The following TTC14 variants were observed in gnomAD, a reference collection of about 807,000 sequenced individuals.
The protein encoded by TTC14 is tetratricopeptide repeat domain 14.
TTC14 carries 63 observed loss-of-function variants against 79.9 expected under a neutral mutation model. The ratio of observed to expected loss-of-function variants is 0.79; its 90% CI spans 0.64 to 0.97. The LOEUF (loss-of-function observed/expected upper bound fraction) is 0.97, where lower values mean the gene tolerates loss of function less well. Ranked by LOEUF, TTC14 falls within the 50% of genes least tolerant of loss-of-function variation. The pLI is 0.00. For synonymous variants in TTC14, 335 were observed against 309.6 expected, an observed-to-expected ratio of 1.08 and a Z score of -0.86; for missense variants, 895 against 894.0, an observed-to-expected ratio of 1.00 and a Z score of -0.01.
intron 12 of TTC14, chr3:180,616,963 T>C (rs1426523011): frequency 1.5e-6 from 2 of 1,348,304 alleles, no homozygotes; most frequent in African/African-American, 3.0e-5. Flanking sequence ...GTATTTTCCA[T>C]GCTCTGTAGA....
At position 180,609,328 on chromosome 3, in the gene TTC14, C is replaced by G. The variant is rs574110736; in HGVS notation, c.1401-302C>G. 3 of 1,056,568 alleles carry G rather than the reference C, an allele frequency of 2.8e-6. No individual in the cohort carries two copies. In the African/African-American group the frequency reaches 5.0e-5, roughly 18 times the overall value. 65.4% of individuals were successfully genotyped at this position (1,056,568 alleles called of 1,614,324 possible). ...GAAGAAACCATGAACTAGAGGTAGC[C>G]AAATAAAAAAGTTGAGTTCTCCTTT... On this transcript the variant is annotated intron_variant, in intron 11 of 11. Transcript: ENST00000296015.
intron 10 of TTC14, chr3:180,608,426 T>C (rs927059743): frequency 8.9e-6 from 9 of 1,014,206 alleles, no homozygotes; most frequent in Non-Finnish European, 1.1e-5. Flanking sequence ...TCTTGCACTC[T>C]GGGTCATGGG....
chr3:180,608,611 T>G, intron 10 of TTC14, 90 bp from the exon 11 acceptor site: 1 of 1,359,850 alleles, frequency 7.4e-7, no homozygotes, highest in South Asian at 1.8e-5. Context: ...TAAATTGGGT[T>G]TCTCGTTGGG....
chr3:180,602,495 G>A, intron 1 of TTC14, 73 bp downstream of exon 1: 5 of 1,492,898 alleles, frequency 3.3e-6, no homozygotes, highest in Non-Finnish European at 3.6e-6. Context: ...GCAGCCCCGG[G>A]TTTGCGTCTA....
At chr3:180,603,707 A>T in intron 3 of TTC14, 1 of 246,116 alleles carries the variant, frequency 4.1e-6, no homozygotes, top group South Asian at 4.8e-5. Flanking sequence ...AGTTTCATTT[A>T]TATATTTACA....
chr3:180,603,636 A>ATTTCT (rs1716511414), intron 3 of TTC14: 1 of 315,282 alleles, frequency 3.2e-6, no homozygotes, highest in Non-Finnish European at 6.0e-6. Context: ...AGTTGAACAT[A>ATTTCT]TGTATTCTTA....
chr3:180,603,313 T>G lies in TTC14; in HGVS notation c.476T>G (p.Leu159Ter), dbSNP rs1173581122. The G allele has an allele frequency of 6.2e-7, 1 of 1,613,800 alleles. No homozygotes were observed. Among genetic ancestry groups the G allele is most frequent in the Admixed American group, 1.7e-5 (1 of 60,028 alleles). The change falls in exon 3 of 12, where the codon TTA (leucine) becomes TGA (stop). Residue 159 changes from leucine to a stop codon, truncating the protein, a stop_gained. Coordinates refer to ENST00000296015, the MANE Select transcript of TTC14 (RefSeq NM_133462.4). LOFTEE classifies it high-confidence loss of function. ...GSGIMRDIAH[L>*]EITALCPLRD... ...GGTATCATGAGAGATATAGCCCACT[T>G]AGAAATCACAGTAAGTTATTTTTGT...
Position 180,610,410 on chromosome 3 carries a change from A to C in TTC14, c.2181A>C (p.Pro727=), listed in dbSNP as rs1206727213. The part of the protein sequence containing the change: ...NYGEDIKTEV[P]EEDALSSKEH... ...GGGAGGATATCAAAACAGAGGTTCC[A>C]GAAGAAGATGCACTAAGTAGCAAAG... The change falls in exon 12 of 12, where the codon CCA becomes CCC. Residue 727 remains proline (P), a synonymous_variant. Coordinates refer to ENST00000296015, the MANE Select transcript of TTC14 (RefSeq NM_133462.4). 6.2e-7 allele frequency: 1 copy of C among 1,613,804 alleles called. No individual in the cohort carries two copies. The highest frequency in any genetic ancestry group is 8.5e-7 in the Non-Finnish European group (1 of 1,179,882).
chr3:180,602,781 C>A, intron 1 of TTC14, 110 bp from the exon 2 acceptor site: 1 of 1,282,652 alleles, frequency 7.8e-7, no homozygotes, highest in Non-Finnish European at 1.1e-6. Context: ...GTTGTATTGT[C>A]TGCAGCTTAG....
chr3:180,606,244 C>G lies in TTC14; in HGVS notation c.930-9C>G. On this transcript the variant is annotated splice_polypyrimidine_tract_variant and intron_variant, in intron 7 of 11. Transcript: ENST00000296015. ...AGTGTTTGTGATGCTTTACAAATGT[C>G]TTTTTTAGTGTGAAGATCGGAGTTG... 6.2e-7 allele frequency: 1 copy of G among 1,613,182 alleles called. No individual in the cohort carries two copies. Among genetic ancestry groups the G allele is most frequent in the Non-Finnish European group, 8.5e-7 (1 of 1,179,752 alleles).
At chr3:180,617,473 A>G in exon 13 of TTC14, 1 of 687,878 alleles carries the variant, frequency 1.5e-6, no homozygotes, top group Non-Finnish European at 2.7e-6. Context: ...ATCATAGATG[A>G]CAGCTCCATT....
chr3:180,610,730 G>C lies in TTC14; in HGVS notation c.*188G>C. The C allele has an allele frequency of 7.7e-7, 1 of 1,304,822 alleles. No individual in the cohort carries two copies. 80.8% of individuals were successfully genotyped at this position (1,304,822 alleles called of 1,614,324 possible). On this transcript the variant is annotated 3_prime_UTR_variant, in exon 12 of 12. Transcript: ENST00000296015. ...GTTCTAGGTCCCTTGTCACAGCTTG[G>C]TTTTTAGACTTTTTATGTATATGTT... is the stretch of plus-strand genomic sequence containing the variant.
intron 9 of TTC14, among the ~76,000 whole-genome samples, chr3:180,607,417 C>A (rs1365667481): frequency 2.6e-5 from 4 of 152,138 alleles, no homozygotes; most frequent in Admixed American, 2.6e-4. Flanking sequence ...TGTATTACTG[C>A]AAAAATGTGC....
rs1716775573 is a variant in TTC14 at position 180,607,783 on chromosome 3, C to T, written c.1290+18C>T. ...ATATGCAGGTGATTCCTTATTTCCT[C>T]TTAGAAATTTAGTGATATTTGAAAT... On this transcript the variant is annotated intron_variant, in intron 10 of 11. Coordinates refer to ENST00000296015, the MANE Select transcript of TTC14 (RefSeq NM_133462.4). 14 of 1,599,376 alleles carry T rather than the reference C, an allele frequency of 8.8e-6. No individual in the cohort carries two copies. The highest frequency in any genetic ancestry group is 1.2e-5 in the Non-Finnish European group (14 of 1,176,126).
Position 180,609,917 on chromosome 3 carries a change from G to A in TTC14, c.1688G>A (p.Arg563Lys). The A allele has an allele frequency of 1.2e-6, 2 of 1,614,030 alleles. No individual in the cohort carries two copies. The highest frequency in any genetic ancestry group is 1.7e-6 in the Non-Finnish European group (2 of 1,179,932). The change falls in exon 12 of 12, where the codon AGG becomes AAG. Residue 563 changes from arginine (R) to lysine (K), a missense_variant. Physicochemically the swap from Arg to Lys is conservative, Grantham distance 26. Transcript: ENST00000296015. ...GAGAAACTACTGGGGAAGCAGGATA[G>A]GTTACAGTATGAAAAGACACAGATA... is the stretch of plus-strand genomic sequence containing the variant. ...EVEKLLGKQD[R>K]LQYEKTQIKE...
chr3:180,610,763 A>T lies in TTC14; in HGVS notation c.*221A>T. 8.6e-7 allele frequency: 1 copy of T among 1,163,236 alleles called. No homozygotes were observed. Among genetic ancestry groups the T allele is most frequent in the Non-Finnish European group, 1.1e-6 (1 of 941,742 alleles). The allele number at this position is 1,163,236 out of a possible 1,614,324, so 72.1% of individuals were successfully genotyped here. A position where few individuals can be genotyped will look rare whatever the true frequency, so the allele number is the denominator to read the frequency against. ...ACTTTTTATGTATATGTTTATGTACAGTATATTACTCTTGACAGTTTGAAT... is the reference window on the plus strand; with the variant it reads ...ACTTTTTATGTATATGTTTATGTACTGTATATTACTCTTGACAGTTTGAAT... On this transcript the variant is annotated 3_prime_UTR_variant, in exon 12 of 12. Coordinates refer to ENST00000296015, the MANE Select transcript of TTC14 (RefSeq NM_133462.4).
chr3:180,609,040 G>A (rs771885767), intron 11 of TTC14: 153 of 1,000,368 alleles, frequency 1.5e-4, no homozygotes, highest in Non-Finnish European at 1.8e-4. Context: ...TTAAAATATA[G>A]AATAAGTTAC....
downstream of TTC14, chr3:180,614,621 C>T (rs927484765): frequency 1.8e-4 from 46 of 257,922 alleles, no homozygotes; most frequent in Non-Finnish European, 3.1e-4. Context: ...AGTGTAGTTT[C>T]GTGAAATAAT....
At chr3:180,614,054 A>T, downstream of TTC14, 1 of 310,722 alleles carries the variant, frequency 3.2e-6, no homozygotes, top group South Asian at 2.8e-5. Flanking sequence ...AATATTCCAC[A>T]CTCTATTCCA....
Sources: allele counts gnomAD v4.1 joint callset (sites outside exome capture counted in the v4.1 genomes callset), GRCh38; gene constraint gnomAD v4.1.1; transcripts MANE v1.5; gene names NCBI Gene and HGNC (gene_info 2026-07-23, HGNC 2026-07-21).